The following CSMD1 variants were observed in gnomAD, a reference collection of about 807,000 sequenced individuals.
CSMD1 encodes CUB and sushi domain-containing protein 1.
Under a neutral mutation model 417.5 loss-of-function variants are expected in CSMD1, and 213 were observed. The ratio of observed to expected loss-of-function variants is 0.51; its 90% CI spans 0.46 to 0.57. CSMD1 has a LOEUF of 0.57. Among genes scored for constraint, CSMD1 ranks in the 20% least tolerant of loss-of-function variants. The probability of loss-of-function intolerance (pLI) is 0.00; values close to 1 mark genes in which losing one functional copy is unlikely to be tolerated. For synonymous variants in CSMD1, 2,862 were observed against 1,736.8 expected, an observed-to-expected ratio of 1.65 and a Z score of -16.11; for missense variants, 6,923 against 4,529.7, an observed-to-expected ratio of 1.53 and a Z score of -15.17.
intron 11 of CSMD1, among the ~76,000 whole-genome samples, chr8:3,480,597 C>T (rs975388038): frequency 1.3e-5 from 2 of 151,960 alleles, no homozygotes; most frequent in African/African-American, 4.8e-5. Flanking sequence ...CTAAGTTAAC[C>T]TCTCAAAAAT....
At chr8:3,030,799 A>G (rs1407531013) in intron 50 of CSMD1, among the ~76,000 whole-genome samples, 1 of 152,100 alleles carries the variant, frequency 6.6e-6, no homozygotes, top group African/African-American at 2.4e-5. Context: ...TTCAAATTCT[A>G]TACAAGTTTA....
intron 1 of CSMD1, among the ~76,000 whole-genome samples, chr8:4,876,711 G>T (rs1585249763): frequency 6.6e-6 from 1 of 152,136 alleles, no homozygotes; most frequent in Middle Eastern, 3.4e-3. Context: ...TAATTTCTAA[G>T]ACAATATCAT....
chr8:4,304,909 G>A (rs1034103724), intron 3 of CSMD1, among the ~76,000 whole-genome samples: 8 of 152,088 alleles, frequency 5.3e-5, no homozygotes, highest in Non-Finnish European at 7.4e-5. Flanking sequence ...ATATTAAGGT[G>A]TAACGATGAG....
intron 2 of CSMD1, among the ~76,000 whole-genome samples, chr8:4,573,972 T>C (rs897113235): frequency 6.6e-6 from 1 of 152,144 alleles, no homozygotes; most frequent in Non-Finnish European, 1.5e-5. Context: ...CATCCCTCTC[T>C]CCACCAAGCT....
At position 3,305,252 on chromosome 8, in the gene CSMD1, C is replaced by G. The variant is rs568343602; in HGVS notation, c.3950+2443G>C. Among the ~76,000 whole-genome samples the G allele has an allele frequency of 8.0e-4, 122 of 152,210 alleles. 1 individual carries two copies. The highest frequency in any genetic ancestry group is 2.9e-3 in the African/African-American group (120 of 41,520). On this transcript the variant is annotated intron_variant, in intron 25 of 69. Transcript: ENST00000635120. Reference sequence around the variant, plus strand: ...GAATATGAAATATTAAATTCTGTTACTCAGCTATAACTTAGTGTTGTCCCA... The same window carrying G: ...GAATATGAAATATTAAATTCTGTTAGTCAGCTATAACTTAGTGTTGTCCCA...
chr8:3,554,140 G>C (rs1431135105), intron 10 of CSMD1, among the ~76,000 whole-genome samples: 1 of 152,214 alleles, frequency 6.6e-6, no homozygotes, highest in Non-Finnish European at 1.5e-5. Flanking sequence ...TTTTATACAA[G>C]TGAAACATAC....
chr8:3,888,392 A>C (rs1446564491), intron 5 of CSMD1, among the ~76,000 whole-genome samples: 1 of 152,172 alleles, frequency 6.6e-6, no homozygotes, highest in Non-Finnish European at 1.5e-5. Flanking sequence ...AGAGAAGCCT[A>C]TTTCATTCTA....
chr8:3,506,940 T>C (rs564436499), intron 10 of CSMD1, among the ~76,000 whole-genome samples: 1 of 152,366 alleles, frequency 6.6e-6, no homozygotes, highest in African/African-American at 2.4e-5. Flanking sequence ...TGTGTTGATG[T>C]TCACACTTAA....
chr8:3,994,264 A>G (rs1037988217), intron 5 of CSMD1, among the ~76,000 whole-genome samples: 22 of 152,244 alleles, frequency 1.4e-4, no homozygotes, highest in East Asian at 3.9e-4. Context: ...ATATAAGTTC[A>G]TATTTTAAAG....
At chr8:3,057,223 T>C (rs957070282) in intron 49 of CSMD1, among the ~76,000 whole-genome samples, 1 of 152,188 alleles carries the variant, frequency 6.6e-6, no homozygotes, top group East Asian at 1.9e-4. Context: ...CAAGTAATAA[T>C]TGAATTTCAT....
intron 3 of CSMD1, among the ~76,000 whole-genome samples, chr8:4,276,780 G>A (rs1394557574): frequency 1.3e-5 from 2 of 152,134 alleles, no homozygotes; most frequent in East Asian, 3.9e-4. Context: ...ACCCTCAGGG[G>A]AAAGAAAAAT....
chr8:4,680,192 G>T (rs1189423732), intron 1 of CSMD1, among the ~76,000 whole-genome samples: 1 of 152,162 alleles, frequency 6.6e-6, no homozygotes, highest in African/African-American at 2.4e-5. Flanking sequence ...AATTTCTTCA[G>T]ATCTAATTGT....
chr8:4,537,797 A>G (rs1797174546), intron 2 of CSMD1, among the ~76,000 whole-genome samples: 1 of 152,178 alleles, frequency 6.6e-6, no homozygotes, highest in East Asian at 1.9e-4. Flanking sequence ...GCTGACTCTC[A>G]GGGCCGTGTT....
At chr8:4,447,423 T>G (rs1798879104) in intron 2 of CSMD1, among the ~76,000 whole-genome samples, 1 of 152,182 alleles carries the variant, frequency 6.6e-6, no homozygotes, top group African/African-American at 2.4e-5. Flanking sequence ...GTGGATGGCA[T>G]TTGTCTGGAC....
intron 8 of CSMD1, among the ~76,000 whole-genome samples, chr8:3,606,556 G>C (rs1236043080): frequency 6.6e-6 from 1 of 152,134 alleles, no homozygotes; most frequent in Non-Finnish European, 1.5e-5. Flanking sequence ...GTGTGAGTCA[G>C]TAAGTGGTGA....
chr8:3,162,267 A>G lies in CSMD1; in HGVS notation c.5736T>C (p.Leu1912=). 1 of 1,603,234 alleles carries G rather than the reference A, an allele frequency of 6.2e-7. No homozygotes were observed. Among genetic ancestry groups the G allele is most frequent in the Non-Finnish European group, 8.5e-7 (1 of 1,173,252 alleles). The change falls in exon 38 of 70, where the codon CTT becomes CTC. Residue 1912 remains leucine, a synonymous_variant. Coordinates refer to ENST00000635120, the MANE Select transcript of CSMD1 (RefSeq NM_033225.6). ...GGAGGGCTGGTTCTTGGCATGCAGC[A>G]AGACCTACAGCTAGAAATGCAAAGA... ...GFHLEYKTVG[L]AACQEPALPS...
rs146864208 is a variant in CSMD1 at position 4,623,337 on chromosome 8, C to T, written c.302+14005G>A. Among the ~76,000 whole-genome samples, 160 of 152,222 alleles carry T rather than the reference C, an allele frequency of 1.1e-3. 1 individual carries two copies. Among genetic ancestry groups the T allele is most frequent in the African/African-American group, 3.8e-3 (157 of 41,534 alleles). Reference sequence around the variant, plus strand: ...ACGAAAACTAAAAAGGCTGAGTACACTAAATATAGCAAAAACATACAACAA... The same window carrying T: ...ACGAAAACTAAAAAGGCTGAGTACATTAAATATAGCAAAAACATACAACAA... On this transcript the variant is annotated intron_variant, in intron 2 of 69. Transcript: ENST00000635120.
chr8:3,688,306 C>A (rs1284936277), intron 7 of CSMD1, among the ~76,000 whole-genome samples: 1 of 152,082 alleles, frequency 6.6e-6, no homozygotes, highest in Non-Finnish European at 1.5e-5. Flanking sequence ...TGTAAAGGAC[C>A]AATTTTAAAT....
chr8:4,159,325 T>G (rs1304264111), intron 3 of CSMD1, among the ~76,000 whole-genome samples: 1 of 152,198 alleles, frequency 6.6e-6, no homozygotes, highest in Non-Finnish European at 1.5e-5. Flanking sequence ...TAATGTCCAT[T>G]ATTAGTACTC....
Sources: allele counts gnomAD v4.1 joint callset (sites outside exome capture counted in the v4.1 genomes callset), GRCh38; gene constraint gnomAD v4.1.1; transcripts MANE v1.5; gene names NCBI Gene and HGNC (gene_info 2026-07-23, HGNC 2026-07-21).